Variants in SCARB2 observed in about 807,000 individuals in gnomAD.
SCARB2 encodes the protein lysosome membrane protein 2.
In SCARB2, 29 loss-of-function variants were observed where a neutral mutation model predicts 58.6. That is an observed-to-expected ratio of 0.49 (90% CI 0.37 to 0.67). SCARB2 has a LOEUF of 0.67. SCARB2 is among the 30% of genes least tolerant of loss of function. SCARB2 has a pLI of 0.00. For missense variants in SCARB2, 488 were observed against 578.5 expected, an observed-to-expected ratio of 0.84 and a Z score of 1.60; for synonymous variants, 195 against 210.1, an observed-to-expected ratio of 0.93 and a Z score of 0.62.
At chr4:76,217,475 C>CAGG, upstream of SCARB2, 2 of 407,354 alleles carry the variant, frequency 4.9e-6, no homozygotes, top group Admixed American at 4.2e-5. Context: ...AGTGAGTTGT[C>CAGG]AGAGAGCGGG....
At chr4:76,220,256 C>G (rs1311596093) in intron 1 of SCARB2, among the ~76,000 whole-genome samples, 1 of 152,074 alleles carries the variant, frequency 6.6e-6, no homozygotes, top group East Asian at 1.9e-4. Context: ...TGGAACCGAC[C>G]CAAATGTCAT....
chr4:76,191,552 C>A (rs560906352), intron 2 of SCARB2, among the ~76,000 whole-genome samples: 1 of 152,114 alleles, frequency 6.6e-6, no homozygotes, highest in Non-Finnish European at 1.5e-5. Context: ...CCTGCTCCCC[C>A]TCTCTTACTT....
chr4:76,191,113 T>C (rs936439755), intron 2 of SCARB2, among the ~76,000 whole-genome samples: 1 of 152,228 alleles, frequency 6.6e-6, no homozygotes, highest in Non-Finnish European at 1.5e-5. Flanking sequence ...ACTTAGATAC[T>C]GATCCTGGTT....
chr4:76,192,272 G>A (rs1732622300), intron 2 of SCARB2: 1 of 152,230 alleles, frequency 6.6e-6, no homozygotes, highest in African/African-American at 2.4e-5. Flanking sequence ...CTGATTAAAT[G>A]ATCGTGACCA....
At chr4:76,200,385 A>G (rs1237993654) in intron 1 of SCARB2, among the ~76,000 whole-genome samples, 1 of 152,250 alleles carries the variant, frequency 6.6e-6, no homozygotes, top group Non-Finnish European at 1.5e-5. Flanking sequence ...CACGCACAAT[A>G]CTGTGGCACT....
intron 1 of SCARB2, among the ~76,000 whole-genome samples, chr4:76,196,289 G>T (rs1472874355): frequency 1.3e-5 from 2 of 152,200 alleles, no homozygotes; most frequent in Non-Finnish European, 2.9e-5. Flanking sequence ...GGAGGTGGAG[G>T]TTGCAGTGAG....
At chr4:76,199,154 A>C (rs576114335) in intron 1 of SCARB2, among the ~76,000 whole-genome samples, 50 of 152,262 alleles carry the variant, frequency 3.3e-4, no homozygotes, top group African/African-American at 1.2e-3. Flanking sequence ...CATTTTGCAG[A>C]CAAAGAAATG....
intron 2 of SCARB2, among the ~76,000 whole-genome samples, chr4:76,181,385 C>T (rs752636704): frequency 5.9e-5 from 9 of 152,104 alleles, no homozygotes; most frequent in Non-Finnish European, 1.3e-4. Context: ...GAATCAAAGC[C>T]GATGAACTCT....
chr4:76,169,339 C>T (rs75642097), intron 8 of SCARB2, among the ~76,000 whole-genome samples: 1 of 123,214 alleles, frequency 8.1e-6, no homozygotes, highest in African/African-American at 3.6e-5. Flanking sequence ...CACACACACA[C>T]ACGTGTGTAT....
chr4:76,221,551 C>G (rs1733307538), intron 1 of SCARB2, among the ~76,000 whole-genome samples: 1 of 152,108 alleles, frequency 6.6e-6, no homozygotes, highest in African/African-American at 2.4e-5. Context: ...AACTCCTGAC[C>G]TCAGGTGATC....
intron 1 of SCARB2, chr4:76,213,142 G>A (rs1733096114): frequency 2.4e-6 from 1 of 421,310 alleles, no homozygotes; most frequent in Non-Finnish European, 4.5e-6. Flanking sequence ...GGGTGTAGAC[G>A]GAAGGAGTGG....
At chr4:76,184,179 C>T (rs953903803) in intron 2 of SCARB2, among the ~76,000 whole-genome samples, 4 of 152,186 alleles carry the variant, frequency 2.6e-5, no homozygotes, top group Non-Finnish European at 5.9e-5. Context: ...ACACAGAGCA[C>T]AGGCAGAAGA....
At chr4:76,175,418 T>C (rs1732232391) in intron 6 of SCARB2, 1 of 290,850 alleles carries the variant, frequency 3.4e-6, no homozygotes, top group Non-Finnish European at 6.6e-6. Flanking sequence ...CACTTAATAT[T>C]GGTTACTGTG....
upstream of SCARB2, among the ~76,000 whole-genome samples, chr4:76,217,290 C>T (rs1022254907): frequency 6.6e-6 from 1 of 152,160 alleles, no homozygotes; most frequent in Non-Finnish European, 1.5e-5. Context: ...GATGCCAGGG[C>T]AGGGAGACAA....
intron 4 of SCARB2, among the ~76,000 whole-genome samples, chr4:76,177,449 G>GT (rs1732275756): frequency 1.3e-5 from 2 of 152,094 alleles, no homozygotes; most frequent in South Asian, 4.1e-4. Context: ...GCAGAAAACA[G>GT]TTTGTCAGTT....
At chr4:76,206,663 G>A (rs17001644) in intron 1 of SCARB2, among the ~76,000 whole-genome samples, 3,498 of 151,088 alleles carry the variant, frequency 0.023, 128 homozygotes, top group African/African-American at 0.08. Flanking sequence ...AACTAAATAC[G>A]ACAGGACATC....
upstream of SCARB2, among the ~76,000 whole-genome samples, chr4:76,216,515 T>C (rs1733210582): frequency 6.6e-6 from 1 of 152,192 alleles, no homozygotes; most frequent in Non-Finnish European, 1.5e-5. Flanking sequence ...TCCTTTTCAT[T>C]GTTCATTGAG....
chr4:76,214,044 C>G (rs1733146578), upstream of SCARB2: 1 of 327,950 alleles, frequency 3.0e-6, no homozygotes, highest in Non-Finnish European at 6.0e-6. Context: ...GCTCCCAGCG[C>G]CCTGCACCGC....
At chr4:76,176,628 G>A in intron 4 of SCARB2, 100 bp from the exon 5 acceptor site, 1 of 785,848 alleles carries the variant, frequency 1.3e-6, no homozygotes, top group East Asian at 2.5e-5. Flanking sequence ...CACTAGCCCA[G>A]ATGGTGTGGT....
Sources: allele counts gnomAD v4.1 joint callset (sites outside exome capture counted in the v4.1 genomes callset), GRCh38; gene constraint gnomAD v4.1.1; transcripts MANE v1.5; gene names NCBI Gene and HGNC (gene_info 2026-07-23, HGNC 2026-07-21).